BEND3: variants seen among roughly 807,000 people sequenced by gnomAD.
The protein encoded by BEND3 is BEN domain containing 3, also known as BEN domain-containing protein 3.
In BEND3, 13 loss-of-function variants were observed where a neutral mutation model predicts 60.1. The ratio of observed to expected loss-of-function variants is 0.22; its 90% CI spans 0.14 to 0.34. The LOEUF (loss-of-function observed/expected upper bound fraction) is 0.34. Ranked by LOEUF, BEND3 falls within the 10% of genes least tolerant of loss-of-function variation. The pLI, the probability that BEND3 is intolerant of heterozygous loss-of-function variation, is 1.00. For missense variants in BEND3, 896 were observed against 1,138.1 expected (o/e 0.79, Z 3.06); for synonymous variants, 497 against 491.5 (o/e 1.01, Z -0.15).
chr6:107,085,027 G>GT (rs1219107384), intron 3 of BEND3, among the ~76,000 whole-genome samples: 1 of 152,228 alleles, frequency 6.6e-6, no homozygotes, highest in East Asian at 1.9e-4. Flanking sequence ...TTTATGAGCT[G>GT]TAACACTCAT....
At chr6:107,110,246 G>C (rs1247504569) in intron 1 of BEND3, among the ~76,000 whole-genome samples, 1 of 152,142 alleles carries the variant, frequency 6.6e-6, no homozygotes, top group Non-Finnish European at 1.5e-5. Flanking sequence ...TTGTAAAAGT[G>C]GTTTTCATAC....
At chr6:107,096,398 G>C (rs985205953) in intron 3 of BEND3, among the ~76,000 whole-genome samples, 6 of 152,178 alleles carry the variant, frequency 3.9e-5, no homozygotes, top group African/African-American at 1.4e-4. Flanking sequence ...AATTACGTGA[G>C]GTCAGGAGTT....
intron 3 of BEND3, 80 bp downstream of exon 3, chr6:107,098,471 C>T: frequency 6.8e-7 from 1 of 1,476,044 alleles, no homozygotes; most frequent in Non-Finnish European, 9.2e-7. Flanking sequence ...TGCCAGGATG[C>T]CCAAAACAAG....
chr6:107,096,265 T>C (rs1554235917), intron 3 of BEND3, among the ~76,000 whole-genome samples: 3 of 152,200 alleles, frequency 2.0e-5, no homozygotes, highest in Admixed American at 6.5e-5. Context: ...GAAAACATTA[T>C]GCTAAGAAGC....
Position 107,106,552 on chromosome 6 carries a change from T to C in BEND3, c.-11-7256A>G, listed in dbSNP as rs77102242. On this transcript the variant is annotated intron_variant, in intron 1 of 3. Coordinates refer to ENST00000369042, the MANE Select transcript of BEND3 (RefSeq NM_001367314.1). Reference sequence around the variant, plus strand: ...TGACCCTCCAAAAAATGGAATTCTTTACTAAACTTTGGAGTCAGATGGAAC... The same window carrying C: ...TGACCCTCCAAAAAATGGAATTCTTCACTAAACTTTGGAGTCAGATGGAAC... Among the ~76,000 whole-genome samples, 15 of 152,296 alleles carry C rather than the reference T, an allele frequency of 9.8e-5. No homozygotes were observed. The East Asian group carries it at 2.9e-3, about 29-fold the overall frequency.
intron 3 of BEND3, among the ~76,000 whole-genome samples, chr6:107,084,985 T>G (rs947789685): frequency 6.6e-6 from 1 of 152,234 alleles, no homozygotes; most frequent in East Asian, 1.9e-4. Context: ...CAATAAATCT[T>G]GCTGCTCCTC....
chr6:107,100,049 T>A (rs1200195165), intron 1 of BEND3, among the ~76,000 whole-genome samples: 17 of 152,066 alleles, frequency 1.1e-4, no homozygotes, highest in African/African-American at 4.1e-4. Context: ...ATTAAAAAAT[T>A]TTTTTGTAGA....
intron 1 of BEND3, among the ~76,000 whole-genome samples, chr6:107,102,282 C>T (rs553657778): frequency 1.2e-4 from 18 of 152,206 alleles, no homozygotes; most frequent in African/African-American, 3.1e-4. Flanking sequence ...TGGAGCCTGC[C>T]GGGAATGTGG....
At chr6:107,074,564 A>G (rs1775060266) in intron 3 of BEND3, among the ~76,000 whole-genome samples, 1 of 152,212 alleles carries the variant, frequency 6.6e-6, no homozygotes, top group Non-Finnish European at 1.5e-5. Context: ...ACTTTCCCAC[A>G]GTGCCTCAGG....
chr6:107,073,197 G>GTATGTGTATGTA, intron 3 of BEND3, among the ~76,000 whole-genome samples: 1 of 30,218 alleles, frequency 3.3e-5, no homozygotes, highest in South Asian at 9.7e-4. Flanking sequence ...GTTTGTATGT[G>GTATGTGTATGTA]TATGTATATA....
intron 3 of BEND3, among the ~76,000 whole-genome samples, chr6:107,077,609 G>A (rs924950356): frequency 6.6e-6 from 1 of 152,130 alleles, no homozygotes; most frequent in Non-Finnish European, 1.5e-5. Context: ...ATAATGAAGG[G>A]AAAAGAGGAA....
In BEND3 at chr6:107,086,383, G is replaced by A. The variant is rs527491709; in HGVS notation, c.240+12168C>T. ...GGTAATCCCAGCACCCCAGGAGGCC[G>A]AGGTGGGCGGATCACGAGGTCAAGA... is the stretch of plus-strand genomic sequence containing the variant. On this transcript the variant is annotated intron_variant, in intron 3 of 3. Coordinates refer to ENST00000369042, the MANE Select transcript of BEND3 (RefSeq NM_001367314.1). 2.2e-4 allele frequency among the ~76,000 whole-genome samples: 34 copies of A among 152,184 alleles called. 1 individual carries two copies. Among genetic ancestry groups the A allele is most frequent in the Admixed American group, 1.6e-3 (24 of 15,290 alleles).
At chr6:107,109,565 C>A (rs1442713897) in intron 1 of BEND3, among the ~76,000 whole-genome samples, 1 of 151,622 alleles carries the variant, frequency 6.6e-6, no homozygotes, top group Non-Finnish European at 1.5e-5. Context: ...ACAGTGAATC[C>A]CCATCTCTAT....
intron 1 of BEND3, among the ~76,000 whole-genome samples, chr6:107,112,550 TATCAAC>T (rs1486083752): frequency 1.3e-4 from 19 of 151,518 alleles, no homozygotes; most frequent in African/African-American, 4.4e-4. Flanking sequence ...GCATCTCTGG[TATCAAC>T]AACAACAAAA....
At position 107,069,347 on chromosome 6, in the gene BEND3, C is replaced by T; in HGVS notation, c.1844G>A (p.Arg615His). The change falls in exon 4 of 4, where the codon CGC becomes CAC. Residue 615 changes from arginine (R) to histidine (H), a missense_variant. Coordinates refer to ENST00000369042, the MANE Select transcript of BEND3 (RefSeq NM_001367314.1). ...QLDPSRIKLI[R>H]HYVQLLYPRA... ...TGGGTAGAGCAGCTGCACGTAGTGG[C>T]GGATGAGCTTGATGCGGGAGGGGTC... 1 of 1,612,724 alleles carries T rather than the reference C, an allele frequency of 6.2e-7. No homozygotes were observed. Among genetic ancestry groups the T allele is most frequent in the Non-Finnish European group, 8.5e-7 (1 of 1,179,758 alleles).
At position 107,070,241 on chromosome 6, in the gene BEND3, G is replaced by A; in HGVS notation, c.950C>T (p.Ser317Leu). Residue 317 changes from serine (S) to leucine (L), a missense_variant, in exon 4 of 4, where the codon TCG (serine) becomes TTG (leucine). Coordinates refer to ENST00000369042, the MANE Select transcript of BEND3 (RefSeq NM_001367314.1). This position sits in a 1 kb window ranked among gnomAD's most constrained non-coding sequence, Gnocchi z 6.9. ...CTGCCACACAGCCGTGTCCTTCACCGAGGGGTAGTAGACCTCCACATAGTT... is the reference window on the plus strand; with the variant it reads ...CTGCCACACAGCCGTGTCCTTCACCAAGGGGTAGTAGACCTCCACATAGTT... ...IRNYVEVYYPSVKDTAVWQAE... is the reference protein window; with the variant it reads ...IRNYVEVYYPLVKDTAVWQAE... 1 of 1,613,028 alleles carries A rather than the reference G, an allele frequency of 6.2e-7. No individual in the cohort carries two copies. The highest frequency in any genetic ancestry group is 8.5e-7 in the Non-Finnish European group (1 of 1,179,976).
intron 3 of BEND3, among the ~76,000 whole-genome samples, chr6:107,071,632 C>A (rs1774984274): frequency 6.6e-6 from 1 of 152,146 alleles, no homozygotes; most frequent in Non-Finnish European, 1.5e-5. Flanking sequence ...GTAGAAACAA[C>A]CCCCCGTTTC....
rs1472690380 is a variant in BEND3, at chr6:107,082,116, G to A, written c.241-11166C>T. Among the ~76,000 whole-genome samples, 7 of 152,132 alleles carry A rather than the reference G, an allele frequency of 4.6e-5. No individual in the cohort carries two copies. In the East Asian group the frequency reaches 5.8e-4, roughly 13 times the overall value. ...AGACAGAGTCTACTTTTCCACTTTC[G>A]GGTGTAGTTTTGGATATGTGACTTG... On this transcript the variant is annotated intron_variant, in intron 3 of 3. Transcript: ENST00000369042.
rs1369471939 is a variant in BEND3, at chr6:107,066,406, G to T, written c.*2298C>A. 1 of 152,558 alleles carries T rather than the reference G, an allele frequency of 6.6e-6. No homozygotes were observed. Among genetic ancestry groups the T allele is most frequent in the African/African-American group, 2.4e-5 (1 of 41,428 alleles). 9.5% of individuals were successfully genotyped at this position (152,558 alleles called of 1,614,324 possible). On this transcript the variant is annotated 3_prime_UTR_variant, in exon 4 of 4. Coordinates refer to ENST00000369042, the MANE Select transcript of BEND3 (RefSeq NM_001367314.1). ...TTCTCTTCACAGAAAGGGACTGTAA[G>T]ATTCTGGGGGAAGATGCCCTACACA... is the stretch of plus-strand genomic sequence containing the variant.
Sources: allele counts gnomAD v4.1 joint callset (sites outside exome capture counted in the v4.1 genomes callset), GRCh38; gene constraint gnomAD v4.1.1; non-coding constraint Gnocchi (gnomAD v3.1); transcripts MANE v1.5; gene names NCBI Gene and HGNC (gene_info 2026-07-23, HGNC 2026-07-21).